The following CTNND2 variants were observed in gnomAD, a reference collection of about 807,000 sequenced individuals.
CTNND2 encodes the protein catenin delta 2.
A neutral mutation model predicts 144.4 loss-of-function variants in CTNND2; 22 were observed. The ratio of observed to expected loss-of-function variants is 0.15; its 90% CI spans 0.11 to 0.22. The LOEUF is 0.22. Ranked by LOEUF, CTNND2 falls within the 10% of genes least tolerant of loss-of-function variation. The probability of loss-of-function intolerance (pLI) is 1.00; values close to 1 mark genes in which losing one functional copy is unlikely to be tolerated. For missense variants in CTNND2, 1,353 were observed against 1,618.8 expected, an observed-to-expected ratio of 0.84 and a Z score of 2.82; for synonymous variants, 751 against 695.6, an observed-to-expected ratio of 1.08 and a Z score of -1.25.
intron 7 of CTNND2, among the ~76,000 whole-genome samples, chr5:11,378,763 G>A (rs1317029648): frequency 1.3e-5 from 2 of 152,114 alleles, no homozygotes; most frequent in Admixed American, 6.5e-5. Flanking sequence ...AGATTGCGAA[G>A]CTTTCATCTA....
chr5:11,533,206 T>G (rs1267996792), intron 3 of CTNND2, among the ~76,000 whole-genome samples: 1 of 152,198 alleles, frequency 6.6e-6, no homozygotes, highest in African/African-American at 2.4e-5. Flanking sequence ...AATTCTTCTG[T>G]CAAACGCAAG....
intron 1 of CTNND2, among the ~76,000 whole-genome samples, chr5:11,847,034 T>C (rs928420462): frequency 6.7e-6 from 1 of 150,346 alleles, no homozygotes; most frequent in Admixed American, 6.7e-5. Flanking sequence ...GTATGAAGGT[T>C]CCTCAAAAAA....
intron 12 of CTNND2, among the ~76,000 whole-genome samples, chr5:11,131,782 G>A (rs1755631407): frequency 6.6e-6 from 1 of 151,810 alleles, no homozygotes; most frequent in Non-Finnish European, 1.5e-5. Context: ...GAGCGAGACT[G>A]CGTCTCAAAA....
At chr5:11,301,043 A>ATGGGCTGGGC (rs575119397) in intron 9 of CTNND2, among the ~76,000 whole-genome samples, 1 of 151,900 alleles carries the variant, frequency 6.6e-6, no homozygotes, top group African/African-American at 2.4e-5. Flanking sequence ...GGGCTGTTGC[A>ATGGGCTGGGC]TGGGCTGGGC....
chr5:11,179,526 T>C (rs61600547), intron 11 of CTNND2, among the ~76,000 whole-genome samples: 11,372 of 152,108 alleles, frequency 0.075, 1,169 homozygotes, highest in African/African-American at 0.23. Flanking sequence ...GGACTAAATA[T>C]ACATATTTAT....
chr5:11,453,291 T>G (rs925981684), intron 3 of CTNND2, among the ~76,000 whole-genome samples: 7 of 152,206 alleles, frequency 4.6e-5, no homozygotes, highest in Non-Finnish European at 1.0e-4. Flanking sequence ...TATCAGAGGT[T>G]GACTTCTAAG....
At chr5:11,558,293 A>G (rs1776386973) in intron 3 of CTNND2, among the ~76,000 whole-genome samples, 1 of 152,056 alleles carries the variant, frequency 6.6e-6, no homozygotes, top group South Asian at 2.1e-4. Flanking sequence ...AGGGAAAGAG[A>G]CATTTACCTA....
At chr5:11,445,709 G>A (rs1764737040) in intron 3 of CTNND2, among the ~76,000 whole-genome samples, 1 of 152,210 alleles carries the variant, frequency 6.6e-6, no homozygotes, top group Non-Finnish European at 1.5e-5. Context: ...AGGAAATTTT[G>A]ACAGAACAAT....
chr5:11,180,786 C>G (rs1278310373), intron 11 of CTNND2, among the ~76,000 whole-genome samples: 5 of 152,240 alleles, frequency 3.3e-5, no homozygotes, highest in African/African-American at 7.2e-5. Flanking sequence ...TTTAGAGAAC[C>G]AAACTGAAAT....
At position 11,025,154 on chromosome 5, in the gene CTNND2, C is replaced by T. The variant is rs553989783; in HGVS notation, c.2789-2175G>A. On this transcript the variant is annotated intron_variant, in intron 16 of 21. Coordinates refer to ENST00000304623, the MANE Select transcript of CTNND2 (RefSeq NM_001332.4). The stretch of plus-strand genomic sequence containing the variant: ...ATCAGTCTACTATTTATCAGTCTAT[C>T]TGGAGGAATATATTTTAGTCCAAAT... Among the ~76,000 whole-genome samples, 6 of 152,260 alleles carry T rather than the reference C, an allele frequency of 3.9e-5. No individual in the cohort carries two copies. The South Asian group carries it at 1.2e-3, about 32-fold the overall frequency.
intron 8 of CTNND2, among the ~76,000 whole-genome samples, chr5:11,350,437 T>C (rs1479055553): frequency 6.6e-6 from 1 of 151,964 alleles, no homozygotes; most frequent in Non-Finnish European, 1.5e-5. Context: ...ATCACTACTA[T>C]GAAAAGAGGC....
intron 9 of CTNND2, among the ~76,000 whole-genome samples, chr5:11,323,567 GC>G (rs1345398005): frequency 6.6e-6 from 1 of 152,192 alleles, no homozygotes; most frequent in Non-Finnish European, 1.5e-5. Flanking sequence ...GAAACAGACA[GC>G]CATGACAGGG....
intron 12 of CTNND2, among the ~76,000 whole-genome samples, chr5:11,122,080 G>A (rs543389933): frequency 3.0e-4 from 45 of 152,046 alleles, no homozygotes; most frequent in Non-Finnish European, 8.8e-5. Flanking sequence ...CCCTTCCATC[G>A]GATTGGAATT....
intron 9 of CTNND2, among the ~76,000 whole-genome samples, chr5:11,323,758 T>C (rs187647401): frequency 3.3e-5 from 5 of 152,224 alleles, no homozygotes; most frequent in Non-Finnish European, 5.9e-5. Context: ...ACCAACCTAA[T>C]ATCTACTAGG....
At chr5:11,875,746 T>C (rs144910212) in intron 1 of CTNND2, among the ~76,000 whole-genome samples, 16 of 152,302 alleles carry the variant, frequency 1.1e-4, no homozygotes, top group African/African-American at 3.6e-4. Context: ...AATACTGCTG[T>C]TTATAAGTCA....
intron 14 of CTNND2, among the ~76,000 whole-genome samples, chr5:11,106,797 C>A (rs1580303352): frequency 6.6e-6 from 1 of 152,140 alleles, no homozygotes; most frequent in Admixed American, 6.5e-5. Flanking sequence ...CCCCAGCCTC[C>A]CTCGCAGCTC....
chr5:11,387,285 AC>A (rs61040364), intron 6 of CTNND2, among the ~76,000 whole-genome samples: 2,682 of 151,748 alleles, frequency 0.018, 72 homozygotes, highest in African/African-American at 0.063. Context: ...TCAGAATCAT[AC>A]CCCCACCATA....
chr5:11,025,302 G>T (rs1026447812), intron 16 of CTNND2, among the ~76,000 whole-genome samples: 1 of 152,126 alleles, frequency 6.6e-6, no homozygotes, highest in Non-Finnish European at 1.5e-5. Context: ...ATTATGTGTT[G>T]AAAAATGCTG....
At chr5:11,783,257 C>A (rs1790642247) in intron 1 of CTNND2, among the ~76,000 whole-genome samples, 1 of 152,152 alleles carries the variant, frequency 6.6e-6, no homozygotes, top group African/African-American at 2.4e-5. Context: ...ATTCAGTATA[C>A]TGCAGATTTG....
Sources: allele counts gnomAD v4.1 joint callset (sites outside exome capture counted in the v4.1 genomes callset), GRCh38; gene constraint gnomAD v4.1.1; transcripts MANE v1.5; gene names NCBI Gene and HGNC (gene_info 2026-07-23, HGNC 2026-07-21).